The following DLG2 variants were observed in gnomAD, a reference collection of about 807,000 sequenced individuals.
DLG2 encodes disks large homolog 2.
DLG2 carries 45 observed loss-of-function variants against 132.5 expected under a neutral mutation model. The ratio of observed to expected loss-of-function variants is 0.34; its 90% CI spans 0.27 to 0.44. The LOEUF (loss-of-function observed/expected upper bound fraction) is 0.44. Among genes scored for constraint, DLG2 ranks in the 20% least tolerant of loss-of-function variants. The pLI, the probability that DLG2 is intolerant of heterozygous loss-of-function variation, is 1.00. For missense variants in DLG2, 1,045 were observed against 1,196.9 expected, an observed-to-expected ratio of 0.87 and a Z score of 1.87; for synonymous variants, 424 against 419.6, an observed-to-expected ratio of 1.01 and a Z score of -0.13.
chr11:84,804,943 A>T (rs1329458179), intron 6 of DLG2, among the ~76,000 whole-genome samples: 1 of 152,100 alleles, frequency 6.6e-6, no homozygotes, highest in Non-Finnish European at 1.5e-5. Context: ...GAGAAAAATT[A>T]GGGAGCTTAG....
At chr11:84,991,714 G>C (rs1297308451) in intron 6 of DLG2, among the ~76,000 whole-genome samples, 1 of 152,066 alleles carries the variant, frequency 6.6e-6, no homozygotes, top group African/African-American at 2.4e-5. Flanking sequence ...TTGTACTACA[G>C]TTTTACATGA....
chr11:83,981,534 C>T (rs984270182), intron 11 of DLG2, among the ~76,000 whole-genome samples: 16 of 152,012 alleles, frequency 1.1e-4, no homozygotes, highest in East Asian at 3.9e-4. Context: ...CTCTGCCTCC[C>T]GGCTTCAAGC....
intron 17 of DLG2, among the ~76,000 whole-genome samples, chr11:83,831,429 CACAT>C (rs1440691705): frequency 6.6e-6 from 1 of 152,026 alleles, no homozygotes; most frequent in Non-Finnish European, 1.5e-5. Context: ...ACCACAGTGA[CACAT>C]ACGACAAGGC....
At chr11:83,999,402 G>A (rs1031668579) in intron 11 of DLG2, among the ~76,000 whole-genome samples, 1 of 152,166 alleles carries the variant, frequency 6.6e-6, no homozygotes, top group African/African-American at 2.4e-5. Context: ...GCCAATGCCA[G>A]TGTATACCAC....
chr11:83,621,224 C>T (rs1182190895), intron 19 of DLG2, among the ~76,000 whole-genome samples: 4 of 151,950 alleles, frequency 2.6e-5, no homozygotes, highest in Non-Finnish European at 5.9e-5. Flanking sequence ...AGAATTCTTA[C>T]TTGGTGCAAT....
At chr11:83,803,074 T>A (rs1328564774) in intron 17 of DLG2, among the ~76,000 whole-genome samples, 1 of 152,174 alleles carries the variant, frequency 6.6e-6, no homozygotes, top group Admixed American at 6.6e-5. Context: ...AGGGGTTATG[T>A]AGGCAAATTT....
intron 18 of DLG2, among the ~76,000 whole-genome samples, chr11:83,635,215 T>C (rs1484526223): frequency 6.6e-6 from 1 of 152,148 alleles, no homozygotes; most frequent in Non-Finnish European, 1.5e-5. Context: ...CACACCAGCT[T>C]GGGTGACAAA....
chr11:84,363,454 C>T (rs1447526551), intron 7 of DLG2, among the ~76,000 whole-genome samples: 1 of 152,026 alleles, frequency 6.6e-6, no homozygotes, highest in South Asian at 2.1e-4. Context: ...CTCCCATTTT[C>T]TGGGTTTCCT....
At chr11:84,078,370 T>C (rs1278146655) in intron 10 of DLG2, among the ~76,000 whole-genome samples, 1 of 152,190 alleles carries the variant, frequency 6.6e-6, no homozygotes, top group Non-Finnish European at 1.5e-5. Flanking sequence ...TTTTCAATTT[T>C]ATTAAAAGCA....
At chr11:84,394,423 A>G (rs2098804024) in intron 7 of DLG2, among the ~76,000 whole-genome samples, 1 of 150,692 alleles carries the variant, frequency 6.6e-6, no homozygotes, top group South Asian at 2.1e-4. Flanking sequence ...TTTTCTCAAT[A>G]TATATTGAGA....
At chr11:83,577,588 C>T (rs867154041) in intron 19 of DLG2, among the ~76,000 whole-genome samples, 14 of 37,584 alleles carry the variant, frequency 3.7e-4, no homozygotes, top group South Asian at 8.3e-4. Flanking sequence ...ATATATATAT[C>T]CTATTTATAA....
At chr11:85,146,262 C>A (rs1404959934) in intron 5 of DLG2, among the ~76,000 whole-genome samples, 7 of 148,026 alleles carry the variant, frequency 4.7e-5, no homozygotes, top group Non-Finnish European at 1.5e-5. Context: ...CTCTCTCTCT[C>A]TCCTGAGCTT....
chr11:85,379,908 T>C (rs1354090071), intron 3 of DLG2, among the ~76,000 whole-genome samples: 5 of 152,250 alleles, frequency 3.3e-5, no homozygotes, highest in Admixed American at 6.5e-5. Context: ...TTTTTTTATA[T>C]GTCACAAAAT....
At chr11:85,188,373 A>AAC (rs1435518565) in intron 4 of DLG2, among the ~76,000 whole-genome samples, 1 of 152,188 alleles carries the variant, frequency 6.6e-6, no homozygotes, top group African/African-American at 2.4e-5. Context: ...AAACAAACAA[A>AAC]ACACAAGCAA....
Position 83,850,158 on chromosome 11 carries a change from GTGTT to G in DLG2, c.1566-16392_1566-16389del, listed in dbSNP as rs1355716081. Reference sequence around the variant, plus strand: ...TGTGTGTGTGTGTGTGTGTGTGTGTGTGTTTTTTTACTTGAGACGGAGTCTCACT... The same window carrying G: ...TGTGTGTGTGTGTGTGTGTGTGTGTGTTTTTACTTGAGACGGAGTCTCACT... On this transcript the variant is annotated intron_variant, in intron 16 of 27. Coordinates refer to ENST00000376104, the MANE Select transcript of DLG2 (RefSeq NM_001142699.3). 2.8e-3 allele frequency among the ~76,000 whole-genome samples: 359 copies of G among 127,830 alleles called. 3 individuals are homozygous for G. Among genetic ancestry groups the G allele is most frequent in the African/African-American group, 6.1e-3 (158 of 25,818 alleles). 83.9% of individuals were successfully genotyped at this position (127,830 alleles called of 152,430 possible).
chr11:83,906,276 C>G (rs1310579007), intron 15 of DLG2, among the ~76,000 whole-genome samples: 1,848 of 102,036 alleles, frequency 0.018, 107 homozygotes, highest in South Asian at 0.082. Context: ...CACACACACA[C>G]ACACACACAC....
intron 7 of DLG2, among the ~76,000 whole-genome samples, chr11:84,351,813 C>G (rs1276298225): frequency 2.6e-5 from 4 of 152,134 alleles, no homozygotes; most frequent in Non-Finnish European, 5.9e-5. Flanking sequence ...CTAATTAGAA[C>G]AGACTGTAAC....
chr11:84,025,896 A>T (rs2154082704), intron 11 of DLG2, among the ~76,000 whole-genome samples: 1 of 152,240 alleles, frequency 6.6e-6, no homozygotes, highest in African/African-American at 2.4e-5. Flanking sequence ...TATATTGACA[A>T]CATGTTTCCA....
At chr11:84,165,545 G>T (rs1421102838) in intron 8 of DLG2, among the ~76,000 whole-genome samples, 1 of 152,106 alleles carries the variant, frequency 6.6e-6, no homozygotes, top group Non-Finnish European at 1.5e-5. Flanking sequence ...TAATTCAACA[G>T]TATCCAGGTT....
Sources: allele counts gnomAD v4.1 joint callset (sites outside exome capture counted in the v4.1 genomes callset), GRCh38; gene constraint gnomAD v4.1.1; transcripts MANE v1.5; gene names NCBI Gene and HGNC (gene_info 2026-07-23, HGNC 2026-07-21).